Variants in SFI1 observed in about 807,000 individuals in gnomAD.
SFI1 encodes protein SFI1 homolog.
A neutral mutation model predicts 207.5 loss-of-function variants in SFI1; 195 were observed. That is an observed-to-expected ratio of 0.94 (90% CI 0.84 to 1.06). The LOEUF (loss-of-function observed/expected upper bound fraction) is 1.06, where lower values mean the gene tolerates loss of function less well. SFI1 is among the 50% of genes least tolerant of loss of function. The probability of loss-of-function intolerance (pLI) is 0.00; values close to 1 mark genes in which losing one functional copy is unlikely to be tolerated. For missense variants in SFI1, 1,634 were observed against 1,588.0 expected (o/e 1.03, Z -0.49); for synonymous variants, 630 against 598.9 (o/e 1.05, Z -0.76).
rs866098042 is a variant in SFI1, at chr22:31,568,210, G to A, written c.766-4848G>A. ...GTGTGTGTGTTGTGTGTGTGTGTGT[G>A]TATATATATATATATATTTTTTTTT... On this transcript the variant is annotated intron_variant, in intron 8 of 32. Coordinates refer to ENST00000400288, the MANE Select transcript of SFI1 (RefSeq NM_001007467.3). 4.0e-3 allele frequency among the ~76,000 whole-genome samples: 459 copies of A among 114,580 alleles called. 6 individuals are homozygous for A. Among genetic ancestry groups the A allele is most frequent in the African/African-American group, 0.011 (359 of 31,562 alleles). 75.2% of individuals were successfully genotyped at this position (114,580 alleles called of 152,430 possible). A position where few individuals can be genotyped will look rare whatever the true frequency, so the allele number is the denominator to read the frequency against.
chr22:31,588,268 C>T (rs1387665744), intron 14 of SFI1, among the ~76,000 whole-genome samples: 1 of 152,212 alleles, frequency 6.6e-6, no homozygotes, highest in African/African-American at 2.4e-5. Flanking sequence ...TATGACCTCT[C>T]TGTGAGGCTT....
intron 1 of SFI1, among the ~76,000 whole-genome samples, chr22:31,497,018 G>A (rs2052782178): frequency 6.6e-6 from 1 of 152,186 alleles, no homozygotes; most frequent in African/African-American, 2.4e-5. Context: ...CGGCTCCGTG[G>A]CCCAGGAGCG....
In SFI1 at chr22:31,583,961, G is replaced by A; in HGVS notation, c.1335G>A (p.Trp445Ter). 6.2e-7 allele frequency: 1 copy of A among 1,613,818 alleles called. No homozygotes were observed. The highest frequency in any genetic ancestry group is 1.3e-5 in the African/African-American group (1 of 75,016). ...RELLPLLHAA[W>*]DHYRIALLCK... is the part of the protein sequence containing the mutation. Reference sequence around the variant, plus strand: ...TGCTCCCCTTACTGCATGCTGCCTGGGACCACTACAGGTAGGGACTCTGGT... The same window carrying A: ...TGCTCCCCTTACTGCATGCTGCCTGAGACCACTACAGGTAGGGACTCTGGT... The change falls in exon 13 of 33, where the codon TGG becomes TGA. Residue 445 changes from tryptophan to a stop codon, truncating the protein, a stop_gained. Coordinates refer to ENST00000400288, the MANE Select transcript of SFI1 (RefSeq NM_001007467.3). LOFTEE classifies it high-confidence loss of function.
intron 27 of SFI1, chr22:31,614,336 C>A: frequency 2.7e-6 from 1 of 369,138 alleles, no homozygotes; most frequent in Non-Finnish European, 5.3e-6. Flanking sequence ...CCTAACCTGC[C>A]CTGCCCCATG....
At position 31,613,166 on chromosome 22, in the gene SFI1, CG is replaced by C; in HGVS notation, c.2518del (p.Ala840ArgfsTer61). The C allele has an allele frequency of 1.9e-6, 3 of 1,613,642 alleles. No individual in the cohort carries two copies. The highest frequency in any genetic ancestry group is 1.7e-6 in the Non-Finnish European group (2 of 1,180,010). ...QQLAARRQEQ[R>X]ATVRALWFWA... ...GCTGGCAGCCAGGAGGCAGGAGCAGCGGGCGACAGTGCGGGCCCTGTGGTTC... is the reference window on the plus strand; with the variant it reads ...GCTGGCAGCCAGGAGGCAGGAGCAGCGGCGACAGTGCGGGCCCTGTGGTTC... On this transcript the variant is annotated frameshift_variant, in exon 25 of 33. Coordinates refer to ENST00000400288, the MANE Select transcript of SFI1 (RefSeq NM_001007467.3). LOFTEE classifies it high-confidence loss of function.
intron 2 of SFI1, chr22:31,521,729 T>G (rs1290334669): frequency 6.6e-6 from 1 of 152,148 alleles, no homozygotes; most frequent in African/African-American, 2.4e-5. Context: ...TGTGGTAACG[T>G]ATACATAACA....
intron 4 of SFI1, among the ~76,000 whole-genome samples, chr22:31,535,071 TG>T (rs2058849117): frequency 6.6e-6 from 1 of 152,098 alleles, no homozygotes; most frequent in Non-Finnish European, 1.5e-5. Context: ...TTCACCTTGT[TG>T]GCCAGGCTAG....
rs147621270 is a variant in SFI1, at chr22:31,517,279, C to T, written c.92+8903C>T. Among the ~76,000 whole-genome samples the T allele has an allele frequency of 1.8e-4, 28 of 152,126 alleles. No homozygotes were observed. The East Asian group carries it at 4.6e-3, about 25-fold the overall frequency. On this transcript the variant is annotated intron_variant, in intron 2 of 32. Coordinates refer to ENST00000400288, the MANE Select transcript of SFI1 (RefSeq NM_001007467.3). ...TTTTTGTTTTTTGGAGACAGGGTCT[C>T]GCACTGTCACACTGGCTGGATTGCA...
intron 14 of SFI1, chr22:31,587,301 A>ATTTGTTTTTTT (rs57657629): frequency 0.042 from 14,771 of 351,438 alleles, 311 homozygotes; most frequent in Non-Finnish European, 0.051. Flanking sequence ...ATGCCAATTT[A>ATTTGTTTTTTT]TTTGTTTTGT....
intron 10 of SFI1, among the ~76,000 whole-genome samples, chr22:31,577,626 C>A (rs1476383345): frequency 1.2e-4 from 18 of 152,088 alleles, no homozygotes; most frequent in Non-Finnish European, 1.5e-5. Context: ...CACCTGTAAT[C>A]CAAGTGCTTT....
intron 5 of SFI1, among the ~76,000 whole-genome samples, chr22:31,547,310 GTTTGT>G (rs1202956072): frequency 6.6e-6 from 1 of 151,940 alleles, no homozygotes; most frequent in South Asian, 2.1e-4. Context: ...TTGTTTGTTT[GTTTGT>G]TTTGTTTTGT....
At chr22:31,538,776 ACT>A (rs2059224161) in intron 4 of SFI1, among the ~76,000 whole-genome samples, 1 of 151,600 alleles carries the variant, frequency 6.6e-6, no homozygotes, top group African/African-American at 2.4e-5. Flanking sequence ...GCCCCTTCTA[ACT>A]CTCCTTTGTT....
Position 31,502,370 on chromosome 22 carries a change from G to C in SFI1, c.-31+5733G>C, listed in dbSNP as rs1051199011. Among the ~76,000 whole-genome samples the C allele has an allele frequency of 2.6e-5, 4 of 151,756 alleles. No individual in the cohort carries two copies. The East Asian group carries it at 7.8e-4, about 29-fold the overall frequency. ...TCTAGATGAGGCTGGATGATATTCA[G>C]GTTCAATTTTTTTTTTTTTTTGAGA... On this transcript the variant is annotated intron_variant, in intron 1 of 32. Coordinates refer to ENST00000400288, the MANE Select transcript of SFI1 (RefSeq NM_001007467.3).
intron 4 of SFI1, among the ~76,000 whole-genome samples, chr22:31,533,667 C>T (rs1051874779): frequency 6.6e-6 from 1 of 152,132 alleles, no homozygotes; most frequent in African/African-American, 2.4e-5. Flanking sequence ...GTAGCCTGTC[C>T]CAGCTGCAAG....
intron 14 of SFI1, among the ~76,000 whole-genome samples, chr22:31,586,049 C>G (rs757886282): frequency 1.3e-5 from 2 of 152,136 alleles, no homozygotes; most frequent in African/African-American, 2.4e-5. Context: ...GCAAGGCCTA[C>G]AAACTCCTTC....
chr22:31,556,895 A>C (rs1377897582), intron 6 of SFI1, 47 bp from the exon 7 acceptor site: 1 of 1,312,432 alleles, frequency 7.6e-7, no homozygotes, highest in Non-Finnish European at 1.1e-6. Context: ...ACCCAGAGTA[A>C]TCCATCTCTC....
chr22:31,547,039 GT>G, intron 5 of SFI1, 68 bp downstream of exon 5: 1 of 1,200,098 alleles, frequency 8.3e-7, no homozygotes, highest in Non-Finnish European at 1.2e-6. Context: ...TTGTTGGCGT[GT>G]TTATGGTCAA....
intron 27 of SFI1, 128 bp downstream of exon 27, chr22:31,613,983 T>A: frequency 1.6e-6 from 2 of 1,267,378 alleles, no homozygotes; most frequent in East Asian, 5.1e-5. Flanking sequence ...GCTGAGCTGC[T>A]GGGAACCCCC....
chr22:31,513,390 C>A (rs2055917655), intron 2 of SFI1, among the ~76,000 whole-genome samples: 1 of 151,924 alleles, frequency 6.6e-6, no homozygotes, highest in South Asian at 2.1e-4. Context: ...AACTCCTGGC[C>A]TCAAGCAATC....
Sources: allele counts gnomAD v4.1 joint callset (sites outside exome capture counted in the v4.1 genomes callset), GRCh38; gene constraint gnomAD v4.1.1; transcripts MANE v1.5; gene names NCBI Gene and HGNC (gene_info 2026-07-23, HGNC 2026-07-21).